The following RP1 variants were observed in gnomAD, a reference collection of about 807,000 sequenced individuals.
The protein encoded by RP1 is oxygen-regulated protein 1.
RP1 carries 16 observed loss-of-function variants against 14.8 expected under a neutral mutation model. That is an observed-to-expected ratio of 1.08 (90% CI 0.73 to 1.65). RP1 has a LOEUF of 1.65. RP1 is among the 40% of genes most tolerant of loss of function. The pLI is 0.00. For synonymous variants in RP1, 876 were observed against 883.6 expected, an observed-to-expected ratio of 0.99 and a Z score of 0.15; for missense variants, 2,631 against 2,535.0, an observed-to-expected ratio of 1.04 and a Z score of -0.81.
At chr8:54,635,146 G>C (rs1806323145), downstream of RP1, among the ~76,000 whole-genome samples, 2 of 151,602 alleles carry the variant, frequency 1.3e-5, no homozygotes, top group Non-Finnish European at 2.9e-5. Context: ...TCTTTCTAAA[G>C]GATATACACA....
At chr8:54,674,000 A>G (rs1280326089) in intron 8 of RP1, 19 of 1,196,324 alleles carry the variant, frequency 1.6e-5, no homozygotes, top group Non-Finnish European at 2.2e-5. Context: ...GTTCAAATCT[A>G]GAAAATACTG....
At chr8:54,804,654 T>C (rs1810802530) in intron 24 of RP1, among the ~76,000 whole-genome samples, 1 of 152,038 alleles carries the variant, frequency 6.6e-6, no homozygotes, top group Non-Finnish European at 1.5e-5. Flanking sequence ...AAGTATAAGA[T>C]GGGATAAAAG....
intron 27 of RP1, among the ~76,000 whole-genome samples, chr8:54,860,128 G>A (rs1812309328): frequency 6.6e-6 from 1 of 152,142 alleles, no homozygotes; most frequent in Admixed American, 6.5e-5. Context: ...TATAGCCAAG[G>A]TTGTTTGATA....
At chr8:54,722,207 CA>C (rs796358747) in intron 16 of RP1, among the ~76,000 whole-genome samples, 7,773 of 110,198 alleles carry the variant, frequency 0.071, 585 homozygotes, top group African/African-American at 0.2. Context: ...ACTCTAGCTC[CA>C]AAAAAAAAAA....
intron 15 of RP1, among the ~76,000 whole-genome samples, chr8:54,715,400 G>A (rs539060945): frequency 6.6e-6 from 1 of 152,264 alleles, no homozygotes; most frequent in Admixed American, 6.5e-5. Context: ...GCAGGAAAGA[G>A]GAAATAAAGG....
At chr8:54,804,216 G>T (rs548446946) in intron 24 of RP1, among the ~76,000 whole-genome samples, 1 of 151,862 alleles carries the variant, frequency 6.6e-6, no homozygotes, top group Non-Finnish European at 1.5e-5. Flanking sequence ...TTGCAACTCC[G>T]ATTTAAAACA....
At chr8:54,852,824 A>C in intron 26 of RP1, 1 of 903,382 alleles carries the variant, frequency 1.1e-6, no homozygotes, top group African/African-American at 1.7e-5. Flanking sequence ...TGAGATGCTC[A>C]GTTGATTCCT....
Position 54,621,408 on chromosome 8 carries a change from G to A in RP1, c.442G>A (p.Gly148Ser). 6.2e-7 allele frequency: 1 copy of A among 1,613,058 alleles called. No individual in the cohort carries two copies. Among genetic ancestry groups the A allele is most frequent in the Middle Eastern group, 1.7e-4 (1 of 6,060 alleles). ...CCACCCCGTAGCCGTCGCTGCTCCCGGCATGCCCCGCCCCCCACGGAGCCT... is the reference window on the plus strand; with the variant it reads ...CCACCCCGTAGCCGTCGCTGCTCCCAGCATGCCCCGCCCCCCACGGAGCCT... Reference protein sequence around the residue: ...PPHPVAVAAPGMPRPPRSLVV... With the variant: ...PPHPVAVAAPSMPRPPRSLVV... Residue 148 changes from glycine (G) to serine (S), a missense_variant, in exon 2 of 4, where the codon GGC becomes AGC. Coordinates refer to ENST00000220676, the MANE Select transcript of RP1 (RefSeq NM_006269.2).
chr8:54,584,637 A>C (rs1314896993), intron 1 of RP1, among the ~76,000 whole-genome samples: 1 of 152,122 alleles, frequency 6.6e-6, no homozygotes. Context: ...TGGGTGTCTA[A>C]GTCTCTTTGT....
chr8:54,671,228 A>G (rs1807172938), intron 7 of RP1, among the ~76,000 whole-genome samples: 1 of 152,116 alleles, frequency 6.6e-6, no homozygotes, highest in South Asian at 2.1e-4. Context: ...TCCTTCATAT[A>G]TGATGAGTTG....
chr8:54,777,485 G>A (rs898427390), intron 23 of RP1, among the ~76,000 whole-genome samples: 4 of 152,124 alleles, frequency 2.6e-5, no homozygotes, highest in African/African-American at 4.8e-5. Flanking sequence ...AGCACTGGTC[G>A]AAACCATTTT....
intron 12 of RP1, among the ~76,000 whole-genome samples, chr8:54,693,752 T>C (rs1807780300): frequency 6.6e-6 from 1 of 152,210 alleles, no homozygotes; most frequent in South Asian, 2.1e-4. Flanking sequence ...TATACAATCA[T>C]GTCATCTGCA....
At position 54,625,627 on chromosome 8, in the gene RP1, A is replaced by C; in HGVS notation, c.1745A>C (p.Asp582Ala). Residue 582 changes from aspartate to alanine, a missense_variant, in exon 4 of 4, where the codon GAT (aspartate) becomes GCT (alanine). Transcript: ENST00000220676. ...NNSIVEEDVV[D>A]CVVLDNKTGI... ...TCAATTGTGGAGGAAGATGTAGTTG[A>C]TTGTGTGGTATTGGACAACAAAACT... 3 of 1,614,166 alleles carry C rather than the reference A, an allele frequency of 1.9e-6. No homozygotes were observed. The highest frequency in any genetic ancestry group is 1.3e-5 in the African/African-American group (1 of 75,064).
At chr8:54,778,319 T>A (rs1474676724) in intron 23 of RP1, among the ~76,000 whole-genome samples, 3 of 94,910 alleles carry the variant, frequency 3.2e-5, no homozygotes, top group African/African-American at 1.2e-4. Context: ...ATGCTTCTTC[T>A]TCTTTTTTTT....
chr8:54,572,566 A>G (rs1283387348), intron 1 of RP1, among the ~76,000 whole-genome samples: 5 of 152,206 alleles, frequency 3.3e-5, no homozygotes, highest in Non-Finnish European at 7.3e-5. Flanking sequence ...TTTCGTGTTG[A>G]AAGCAGAAAA....
rs929417945 is a variant in RP1 at position 54,820,198 on chromosome 8, C to T, written c.3616-17252C>T. Among the ~76,000 whole-genome samples the T allele has an allele frequency of 2.0e-5, 3 of 152,050 alleles. No homozygotes were observed. In the East Asian group the frequency reaches 5.8e-4, roughly 30 times the overall value. ...ACAAAAATCCTCTGTCCTCTTCCCT[C>T]TCCTTTCCCCAAGCAGTGGAGTTTC... On this transcript the variant is annotated intron_variant, in intron 24 of 28. Transcript: ENST00000637698.
chr8:54,696,870 C>G, intron 12 of RP1: 1 of 768,382 alleles, frequency 1.3e-6, no homozygotes, highest in Admixed American at 1.7e-5. Context: ...TGTGGACAAG[C>G]CAAGGTCAAG....
At chr8:54,705,819 C>CTTTT (rs71554175) in intron 14 of RP1, among the ~76,000 whole-genome samples, 1 of 141,306 alleles carries the variant, frequency 7.1e-6, no homozygotes, top group Non-Finnish European at 1.5e-5. Flanking sequence ...CCAATTTTAG[C>CTTTT]TTTTTTTTTT....
At chr8:54,799,639 C>A (rs557219789) in intron 24 of RP1, among the ~76,000 whole-genome samples, 1 of 151,834 alleles carries the variant, frequency 6.6e-6, no homozygotes, top group South Asian at 2.1e-4. Flanking sequence ...ATTATTTATA[C>A]TATTTTTTCT....
Sources: allele counts gnomAD v4.1 joint callset (sites outside exome capture counted in the v4.1 genomes callset), GRCh38; gene constraint gnomAD v4.1.1; transcripts MANE v1.5; gene names NCBI Gene and HGNC (gene_info 2026-07-23, HGNC 2026-07-21).